Variants in TMTC1 observed in about 807,000 individuals in gnomAD.
TMTC1 encodes the protein transmembrane O-mannosyltransferase targeting cadherins 1.
Under a neutral mutation model 104.8 loss-of-function variants are expected in TMTC1, and 73 were observed. The observed-to-expected ratio is 0.70, with a 90% CI of 0.58 to 0.85. TMTC1 has a LOEUF of 0.85. Among genes scored for constraint, TMTC1 ranks in the 40% least tolerant of loss-of-function variants. The pLI is 0.00. For missense variants in TMTC1, 1,035 were observed against 1,096.1 expected (o/e 0.94, Z 0.79); for synonymous variants, 434 against 428.7 (o/e 1.01, Z -0.15).
Position 29,607,591 on chromosome 12 carries a change from C to T in TMTC1, c.1129-3292G>A, listed in dbSNP as rs543504800. On this transcript the variant is annotated intron_variant, in intron 6 of 17. Transcript: ENST00000539277. ...GTCATGTCAGCAAGTGGATAATGAG[C>T]GTTTTGCACACTTTGCTATGGAACT... Among the ~76,000 whole-genome samples, 11 of 152,196 alleles carry T rather than the reference C, an allele frequency of 7.2e-5. No individual in the cohort carries two copies. In the South Asian group the frequency reaches 1.0e-3, roughly 14 times the overall value.
chr12:29,618,453 G>A (rs1947044954), intron 6 of TMTC1, among the ~76,000 whole-genome samples: 1 of 152,028 alleles, frequency 6.6e-6, no homozygotes, highest in Non-Finnish European at 1.5e-5. Context: ...ATGTAATAAT[G>A]TAGACATATA....
At chr12:29,669,839 A>G (rs1940437088) in intron 5 of TMTC1, among the ~76,000 whole-genome samples, 1 of 152,204 alleles carries the variant, frequency 6.6e-6, no homozygotes. Context: ...GATTCATTCT[A>G]ACATTTAATC....
chr12:29,553,035 G>T (rs1294764601), intron 10 of TMTC1, among the ~76,000 whole-genome samples: 1 of 152,122 alleles, frequency 6.6e-6, no homozygotes, highest in Non-Finnish European at 1.5e-5. Context: ...ATAACTTCAG[G>T]GTGATGGAAA....
rs112677069 is a variant in TMTC1 at position 29,650,979 on chromosome 12, T to C, written c.939-17643A>G. Among the ~76,000 whole-genome samples, 1,015 of 152,364 alleles carry C rather than the reference T, an allele frequency of 6.7e-3. 13 individuals are homozygous for C. The highest frequency in any genetic ancestry group is 0.024 in the African/African-American group (981 of 41,578). On this transcript the variant is annotated intron_variant, in intron 5 of 17. Coordinates refer to ENST00000539277, the MANE Select transcript of TMTC1 (RefSeq NM_001193451.2). ...TTCAAAAGAAAACACCACTGTAGGC[T>C]GTATCAGACACAAAACTATGTATTC... is the stretch of plus-strand genomic sequence containing the variant.
At chr12:29,722,944 GAAAGA>G (rs1460470331) in intron 5 of TMTC1, among the ~76,000 whole-genome samples, 1 of 106,106 alleles carries the variant, frequency 9.4e-6, no homozygotes, top group Non-Finnish European at 2.0e-5. Context: ...AAGGAAGAAA[GAAAGA>G]AAAAAGAAAA....
chr12:29,528,234 T>A (rs1301362359), intron 11 of TMTC1, among the ~76,000 whole-genome samples: 1 of 152,198 alleles, frequency 6.6e-6, no homozygotes, highest in Non-Finnish European at 1.5e-5. Flanking sequence ...GCCTGATCAT[T>A]TCTAGTCTCT....
At chr12:29,555,605 G>C (rs1398032140) in intron 10 of TMTC1, among the ~76,000 whole-genome samples, 2 of 152,058 alleles carry the variant, frequency 1.3e-5, no homozygotes, top group African/African-American at 4.8e-5. Context: ...TTAGTTTGCT[G>C]AGAATGATGG....
intron 7 of TMTC1, among the ~76,000 whole-genome samples, chr12:29,599,300 C>T (rs961282434): frequency 2.6e-5 from 4 of 152,170 alleles, no homozygotes; most frequent in African/African-American, 9.7e-5. Context: ...AACTCTCTTG[C>T]CTGTTCAAAA....
At chr12:29,669,578 G>A (rs1230648158) in intron 5 of TMTC1, among the ~76,000 whole-genome samples, 1 of 152,168 alleles carries the variant, frequency 6.6e-6, no homozygotes, top group Non-Finnish European at 1.5e-5. Context: ...AAACAAATAA[G>A]AGGTTCTCGT....
At chr12:29,717,298 A>C (rs1439379604) in intron 5 of TMTC1, among the ~76,000 whole-genome samples, 1 of 152,200 alleles carries the variant, frequency 6.6e-6, no homozygotes, top group Admixed American at 6.5e-5. Flanking sequence ...AAACTTACGG[A>C]GTAAGTGGAC....
At chr12:29,652,871 G>A (rs1360920151) in intron 5 of TMTC1, among the ~76,000 whole-genome samples, 1 of 152,158 alleles carries the variant, frequency 6.6e-6, no homozygotes, top group Non-Finnish European at 1.5e-5. Flanking sequence ...ACACCAGCCT[G>A]ACCAACATGG....
At chr12:29,734,215 CAT>C (rs540620665) in intron 5 of TMTC1, among the ~76,000 whole-genome samples, 32 of 152,290 alleles carry the variant, frequency 2.1e-4, no homozygotes, top group Admixed American at 1.0e-3. Flanking sequence ...TACATTTCCA[CAT>C]GTCTCTTAAT....
intron 5 of TMTC1, among the ~76,000 whole-genome samples, chr12:29,691,420 A>G (rs1416207765): frequency 6.6e-6 from 1 of 152,162 alleles, no homozygotes; most frequent in East Asian, 1.9e-4. Context: ...TCAGGTCCCC[A>G]AAAGGGAGAC....
At chr12:29,507,107 T>G (rs299442) in intron 17 of TMTC1, 121 bp from the exon 18 acceptor site, 2 of 792,786 alleles carry the variant, frequency 2.5e-6, no homozygotes, top group Non-Finnish European at 4.2e-6. Context: ...ATATGGAAAC[T>G]CTGTCTGTAT....
chr12:29,715,460 C>T (rs1942049889), intron 5 of TMTC1, among the ~76,000 whole-genome samples: 1 of 152,202 alleles, frequency 6.6e-6, no homozygotes, highest in African/African-American at 2.4e-5. Context: ...ACTTATCCAT[C>T]TCAGTGACAT....
intron 2 of TMTC1, among the ~76,000 whole-genome samples, chr12:29,760,420 T>C (rs1216544737): frequency 6.6e-6 from 1 of 152,158 alleles, no homozygotes; most frequent in Non-Finnish European, 1.5e-5. Context: ...ATATCAAAAA[T>C]ATCAATGGAT....
intron 6 of TMTC1, among the ~76,000 whole-genome samples, chr12:29,618,677 A>G (rs1947053394): frequency 6.6e-6 from 1 of 152,112 alleles, no homozygotes; most frequent in East Asian, 1.9e-4. Flanking sequence ...CTGACAGTCA[A>G]TCACTACAGT....
intron 6 of TMTC1, among the ~76,000 whole-genome samples, chr12:29,630,123 A>G (rs908005698): frequency 1.3e-5 from 2 of 152,194 alleles, no homozygotes; most frequent in African/African-American, 4.8e-5. Flanking sequence ...TTCTGTCATT[A>G]TAATTATGCC....
intron 5 of TMTC1, among the ~76,000 whole-genome samples, chr12:29,678,644 G>A (rs201166372): frequency 1.3e-5 from 2 of 152,240 alleles, no homozygotes; most frequent in East Asian, 3.9e-4. Flanking sequence ...ACTGTTCATG[G>A]CTATGGTTAT....
Sources: gnomAD v4.1 joint callset for allele counts (sites outside exome capture counted in the v4.1 genomes callset) on GRCh38, gnomAD v4.1.1 for gene constraint, MANE v1.5 for transcripts, NCBI Gene and HGNC (gene_info 2026-07-23, HGNC 2026-07-21) for gene names.